Variants in PTPRK observed in about 807,000 individuals in gnomAD.
PTPRK encodes receptor-type tyrosine-protein phosphatase kappa.
PTPRK carries 75 observed loss-of-function variants against 178.0 expected under a neutral mutation model. The ratio of observed to expected loss-of-function variants is 0.42; its 90% confidence interval spans 0.35 to 0.51. PTPRK has a LOEUF of 0.51. Among genes scored for constraint, PTPRK ranks in the 20% least tolerant of loss-of-function variants. PTPRK has a pLI of 0.02. For missense variants in PTPRK, 1,441 were observed against 1,797.8 expected, an observed-to-expected ratio of 0.80 and a Z score of 3.59; for synonymous variants, 637 against 620.6, an observed-to-expected ratio of 1.03 and a Z score of -0.39.
At chr6:128,288,885 T>C (rs929014203) in intron 3 of PTPRK, among the ~76,000 whole-genome samples, 7 of 152,096 alleles carry the variant, frequency 4.6e-5, no homozygotes, top group Non-Finnish European at 7.4e-5. Context: ...AAGTATGAAA[T>C]ACCTTCTCTT....
intron 3 of PTPRK, among the ~76,000 whole-genome samples, chr6:128,274,915 T>TA (rs1456331638): frequency 2.0e-5 from 3 of 152,134 alleles, no homozygotes; most frequent in South Asian, 2.1e-4. Context: ...GTCTGATAAC[T>TA]AAAATCATTC....
intron 3 of PTPRK, among the ~76,000 whole-genome samples, chr6:128,261,505 C>T (rs1292745341): frequency 6.6e-6 from 1 of 152,046 alleles, no homozygotes; most frequent in Admixed American, 6.6e-5. Context: ...GTTTGTAACA[C>T]AGTAAAAACT....
chr6:128,375,708 A>C (rs958335430), intron 2 of PTPRK, among the ~76,000 whole-genome samples: 6 of 152,210 alleles, frequency 3.9e-5, no homozygotes, highest in African/African-American at 1.4e-4. Flanking sequence ...CATCTGAGAC[A>C]AGGAAAGTTC....
In PTPRK at chr6:127,973,698, C is replaced by T. The variant is rs765145160; in HGVS notation, c.4099G>A (p.Glu1367Lys). The T allele has an allele frequency of 1.2e-6, 2 of 1,613,986 alleles. No homozygotes were observed. Among genetic ancestry groups the T allele is most frequent in the South Asian group, 1.1e-5 (1 of 91,070 alleles). Residue 1367 changes from glutamate to lysine, a missense_variant, in exon 28 of 30, where the codon GAG becomes AAG. This residue lies in a region of PTPRK where 335 missense variants were observed against 512.4 expected (regional missense o/e 0.65). Transcript: ENST00000368226. ...ATAATCGTCCGGCCTTCCCCTTCCTCGCATTCCTCCTGCCACTTTTCCACC... is the reference window on the plus strand; with the variant it reads ...ATAATCGTCCGGCCTTCCCCTTCCTTGCATTCCTCCTGCCACTTTTCCACC... Reference protein sequence around the residue: ...LQVEKWQEECEEGEGRTIIHC... With the variant: ...LQVEKWQEECKEGEGRTIIHC...
chr6:128,376,215 G>C (rs1837050463), intron 2 of PTPRK, among the ~76,000 whole-genome samples: 2 of 152,176 alleles, frequency 1.3e-5, no homozygotes, highest in South Asian at 4.1e-4. Context: ...TTCTCCATGA[G>C]GGCCCCACCC....
At position 128,401,997 on chromosome 6, in the gene PTPRK, G is replaced by A. The variant is rs749495663; in HGVS notation, c.101-4309C>T. Among the ~76,000 whole-genome samples, 8 of 152,240 alleles carry A rather than the reference G, an allele frequency of 5.3e-5. No individual in the cohort carries two copies. In the South Asian group the frequency reaches 1.7e-3, roughly 32 times the overall value. ...AGGACACAGAGAAAGATTAATACAT[G>A]TCACATTAGGACACATGCAATACTG... On this transcript the variant is annotated intron_variant, in intron 1 of 29. Transcript: ENST00000368226.
At chr6:128,158,679 C>T (rs1025002253) in intron 7 of PTPRK, among the ~76,000 whole-genome samples, 2 of 151,324 alleles carry the variant, frequency 1.3e-5, no homozygotes, top group South Asian at 4.2e-4. Flanking sequence ...TCATTTTTTC[C>T]TTCATATAAA....
In PTPRK at chr6:128,035,203, C is replaced by CA. The variant is rs1776003892; in HGVS notation, c.2195-25936dup. On this transcript the variant is annotated intron_variant, in intron 13 of 29. Coordinates refer to ENST00000368226, the MANE Select transcript of PTPRK (RefSeq NM_002844.4). ...CCAACATGTTGAAATCCCGGCTCTA[C>CA]AAAAAATACAAAATTATCCAGGCGT... Among the ~76,000 whole-genome samples, 3 of 151,988 alleles carry CA rather than the reference C, an allele frequency of 2.0e-5. No homozygotes were observed. In the East Asian group the frequency reaches 5.8e-4, roughly 30 times the overall value.
intron 7 of PTPRK, among the ~76,000 whole-genome samples, chr6:128,109,895 C>T (rs912862956): frequency 7.2e-5 from 11 of 151,892 alleles, no homozygotes; most frequent in Non-Finnish European, 1.5e-4. Flanking sequence ...CAAGTGTATA[C>T]ACACTACTTT....
chr6:128,514,716 G>A (rs543507062), intron 1 of PTPRK, among the ~76,000 whole-genome samples: 265 of 152,112 alleles, frequency 1.7e-3, no homozygotes, highest in Middle Eastern at 3.4e-3. Flanking sequence ...ACACGAAGGA[G>A]AATGCCAAAA....
chr6:128,409,565 TA>T (rs1842065248), intron 1 of PTPRK, among the ~76,000 whole-genome samples: 1 of 152,166 alleles, frequency 6.6e-6, no homozygotes, highest in African/African-American at 2.4e-5. Flanking sequence ...ATTAGTAAAA[TA>T]AAGTCTGTTC....
chr6:128,473,128 TA>T (rs981613736), intron 1 of PTPRK, among the ~76,000 whole-genome samples: 3 of 152,106 alleles, frequency 2.0e-5, no homozygotes, highest in African/African-American at 7.2e-5. Flanking sequence ...CTCACATCTC[TA>T]AATCTCCTTT....
At chr6:128,499,033 G>A (rs957961448) in intron 1 of PTPRK, among the ~76,000 whole-genome samples, 1 of 152,022 alleles carries the variant, frequency 6.6e-6, no homozygotes, top group African/African-American at 2.4e-5. Flanking sequence ...GTGTTATTTT[G>A]TTTTAAAATC....
Position 127,978,407 on chromosome 6 carries a change from C to A in PTPRK, c.3712-1353G>T, listed in dbSNP as rs547591508. On this transcript the variant is annotated intron_variant, in intron 25 of 29. Transcript: ENST00000368226. ...GTTTTATAAGGGGCTTCCCCCTTTG[C>A]TTGGCACTCCTTCCCCTTCCTGCCA... Among the ~76,000 whole-genome samples, 6 of 152,140 alleles carry A rather than the reference C, an allele frequency of 3.9e-5. No individual in the cohort carries two copies. In the East Asian group the frequency reaches 1.2e-3, roughly 29 times the overall value.
At chr6:128,415,753 G>T (rs987454425) in intron 1 of PTPRK, among the ~76,000 whole-genome samples, 1 of 152,114 alleles carries the variant, frequency 6.6e-6, no homozygotes, top group Non-Finnish European at 1.5e-5. Flanking sequence ...AAAGATTCTT[G>T]ATGTTTATTC....
At chr6:128,471,077 A>T (rs1584874761) in intron 1 of PTPRK, among the ~76,000 whole-genome samples, 4 of 152,204 alleles carry the variant, frequency 2.6e-5, no homozygotes, top group Admixed American at 2.6e-4. Context: ...TCACTGAAGG[A>T]CATCATTTAA....
intron 7 of PTPRK, among the ~76,000 whole-genome samples, chr6:128,144,680 CAATAT>C (rs1314081314): frequency 6.6e-6 from 1 of 152,102 alleles, no homozygotes; most frequent in African/African-American, 2.4e-5. Flanking sequence ...GCTTGTTCTC[CAATAT>C]ACAATTCTGT....
In PTPRK at chr6:128,481,767, A is replaced by T. The variant is rs555230916; in HGVS notation, c.100+38492T>A. 3.3e-5 allele frequency among the ~76,000 whole-genome samples: 5 copies of T among 152,214 alleles called. No individual in the cohort carries two copies. The South Asian group carries it at 1.0e-3, about 32-fold the overall frequency. On this transcript the variant is annotated intron_variant, in intron 1 of 29. Transcript: ENST00000368226. ...TAGGTAGTCTTCATCCTCTACCAAG[A>T]ACTTTCATGAATATACATTTTAAGA...
chr6:128,252,717 C>T (rs962056001), intron 3 of PTPRK, among the ~76,000 whole-genome samples: 4 of 152,164 alleles, frequency 2.6e-5, no homozygotes, highest in Admixed American at 2.6e-4. Flanking sequence ...CCACAGTTCC[C>T]AGCAGCAGAG....
Sources: allele counts gnomAD v4.1 joint callset (sites outside exome capture counted in the v4.1 genomes callset), GRCh38; gene constraint gnomAD v4.1.1; regional missense constraint gnomAD v4.1.1; transcripts MANE v1.5; gene names NCBI Gene and HGNC (gene_info 2026-07-23, HGNC 2026-07-21).